The following GALNT2 variants were observed in gnomAD, a reference collection of about 807,000 sequenced individuals.
The protein encoded by GALNT2 is polypeptide N-acetylgalactosaminyltransferase 2.
Under a neutral mutation model 81.4 loss-of-function variants are expected in GALNT2, and 31 were observed. The observed-to-expected ratio is 0.38, with a 90% CI of 0.29 to 0.51. GALNT2 has a LOEUF of 0.51. GALNT2 is among the 20% of genes least tolerant of loss of function. GALNT2 has a pLI of 0.87. For synonymous variants in GALNT2, 303 were observed against 287.4 expected (o/e 1.05, Z -0.55); for missense variants, 629 against 765.7 (o/e 0.82, Z 2.11).
At chr1:230,269,123 T>C (rs1666106603) in intron 14 of GALNT2, among the ~76,000 whole-genome samples, 1 of 151,880 alleles carries the variant, frequency 6.6e-6, no homozygotes, top group Non-Finnish European at 1.5e-5. Context: ...CATCCTGGGA[T>C]TGCTCAGAGA....
In GALNT2 at chr1:230,070,696, T is replaced by C. The variant is rs1453767253; in HGVS notation, c.126+3290T>C. Among the ~76,000 whole-genome samples the C allele has an allele frequency of 6.6e-6, 1 of 152,106 alleles. No homozygotes were observed. The highest frequency in any genetic ancestry group is 1.5e-5 in the Non-Finnish European group (1 of 67,996). ...TTTGGGTGGGATCTTCTAGGAATCA[T>C]GCGGGGAGGCGGGCAGGTTATTTCT... On this transcript the variant is annotated intron_variant, in intron 1 of 15. Transcript: ENST00000366672. This position sits in a 1 kb window ranked among gnomAD's most constrained non-coding sequence, Gnocchi z 4.7.
chr1:230,172,621 C>T (rs1327671640), intron 1 of GALNT2, among the ~76,000 whole-genome samples: 1 of 152,248 alleles, frequency 6.6e-6, no homozygotes, highest in Non-Finnish European at 1.5e-5. Context: ...AAGGGGCTTG[C>T]TCATCTTCCA....
At chr1:230,148,114 C>T (rs1343970531) in intron 1 of GALNT2, among the ~76,000 whole-genome samples, 1 of 152,186 alleles carries the variant, frequency 6.6e-6, no homozygotes, top group Non-Finnish European at 1.5e-5. Flanking sequence ...CTTGCCCACA[C>T]TCTTCCCCAT....
At chr1:230,173,678 A>C (rs1662867838) in intron 1 of GALNT2, among the ~76,000 whole-genome samples, 1 of 152,226 alleles carries the variant, frequency 6.6e-6, no homozygotes, top group African/African-American at 2.4e-5. Flanking sequence ...AAAGGGAGAA[A>C]ACACACAGAT....
intron 11 of GALNT2, among the ~76,000 whole-genome samples, chr1:230,261,079 CTCTTT>C (rs1213866213): frequency 7.8e-6 from 1 of 128,282 alleles, no homozygotes; most frequent in Admixed American, 8.7e-5. Flanking sequence ...CATAAAGTTT[CTCTTT>C]TTTTTTTTTT....
intron 2 of GALNT2, among the ~76,000 whole-genome samples, chr1:230,190,149 T>C (rs1270843241): frequency 6.6e-6 from 1 of 152,222 alleles, no homozygotes; most frequent in Non-Finnish European, 1.5e-5. Flanking sequence ...AAGCATCTTT[T>C]AAAAAGCAAG....
chr1:230,101,895 G>A (rs182365325), intron 1 of GALNT2, among the ~76,000 whole-genome samples: 51 of 152,326 alleles, frequency 3.3e-4, no homozygotes, highest in Non-Finnish European at 5.4e-4. Flanking sequence ...TTTAGTGGGG[G>A]CAGTTTCCTT....
chr1:230,119,140 T>C (rs540699893), intron 1 of GALNT2, among the ~76,000 whole-genome samples: 67 of 152,384 alleles, frequency 4.4e-4, no homozygotes, highest in African/African-American at 1.6e-3. Context: ...TTTATAATTT[T>C]TCTTAATTCA....
chr1:230,131,609 G>T (rs549996203), intron 1 of GALNT2, among the ~76,000 whole-genome samples: 11 of 152,090 alleles, frequency 7.2e-5, no homozygotes, highest in Non-Finnish European at 4.4e-5. Context: ...TTTAAACCTC[G>T]CACTGTCTCG....
At chr1:230,256,356 A>C (rs1435608045) in intron 11 of GALNT2, among the ~76,000 whole-genome samples, 37 of 152,028 alleles carry the variant, frequency 2.4e-4, no homozygotes, top group Non-Finnish European at 2.9e-5. Flanking sequence ...TGAGGCAGGA[A>C]AATCGCTTGA....
intron 1 of GALNT2, among the ~76,000 whole-genome samples, chr1:230,101,195 G>A (rs1346619659): frequency 6.6e-6 from 1 of 152,210 alleles, no homozygotes; most frequent in Non-Finnish European, 1.5e-5. Context: ...AGTGATGCAT[G>A]ACTGGATATA....
At chr1:230,223,595 C>T (rs764968330) in intron 3 of GALNT2, among the ~76,000 whole-genome samples, 3 of 152,092 alleles carry the variant, frequency 2.0e-5, no homozygotes, top group East Asian at 1.9e-4. Flanking sequence ...CTCAGCCTCC[C>T]GAGTAGCTGG....
At chr1:230,150,229 C>T (rs1022470084) in intron 1 of GALNT2, among the ~76,000 whole-genome samples, 4 of 152,190 alleles carry the variant, frequency 2.6e-5, no homozygotes, top group African/African-American at 4.8e-5. Context: ...TGCCTACCTC[C>T]GTGTGCTGCC....
chr1:230,188,924 G>A (rs1354997451), intron 2 of GALNT2, among the ~76,000 whole-genome samples: 8 of 152,106 alleles, frequency 5.3e-5, no homozygotes, highest in Non-Finnish European at 8.8e-5. Context: ...CCCTGTAATT[G>A]TCTCTGAATC....
At chr1:230,095,383 T>C (rs903330083) in intron 1 of GALNT2, among the ~76,000 whole-genome samples, 1 of 152,170 alleles carries the variant, frequency 6.6e-6, no homozygotes, top group Non-Finnish European at 1.5e-5. Context: ...CAGATGAAGC[T>C]GTCAGGGAGA....
chr1:230,105,990 C>T lies in GALNT2; in HGVS notation c.126+38584C>T, dbSNP rs80156148. ...GGCCTCCATAGTGATTGTAGTAATT[C>T]GGTAAAGATGATTCATTTCTTTAGT... On this transcript the variant is annotated intron_variant, in intron 1 of 15. Transcript: ENST00000366672. 1.9e-3 allele frequency among the ~76,000 whole-genome samples: 292 copies of T among 152,306 alleles called. 1 individual carries two copies. The Middle Eastern group carries it at 0.024, about 12-fold the overall frequency.
chr1:230,212,358 T>C (rs1184809566), intron 3 of GALNT2, among the ~76,000 whole-genome samples: 2 of 152,128 alleles, frequency 1.3e-5, no homozygotes, highest in African/African-American at 4.8e-5. Context: ...CCAAACAACC[T>C]CCTAAGGGAA....
intron 1 of GALNT2, among the ~76,000 whole-genome samples, chr1:230,101,442 C>A (rs1660402216): frequency 6.6e-6 from 1 of 152,252 alleles, no homozygotes; most frequent in Admixed American, 6.5e-5. Flanking sequence ...TCTTCACACT[C>A]AGTTTTCCCA....
Position 230,243,715 on chromosome 1 carries a change from C to A in GALNT2, c.729+288C>A, listed in dbSNP as rs1665276958. On this transcript the variant is annotated intron_variant, in intron 7 of 15. Transcript: ENST00000366672. This position sits in a 1 kb window ranked among gnomAD's most constrained non-coding sequence, Gnocchi z 4.2. ...TGAGAGCCTGATTAGTTGAAGGCAGCCCTTTTCATGGGAGCAGTTTCCTTC... is the reference window on the plus strand; with the variant it reads ...TGAGAGCCTGATTAGTTGAAGGCAGACCTTTTCATGGGAGCAGTTTCCTTC... Among the ~76,000 whole-genome samples the A allele has an allele frequency of 1.3e-5, 2 of 152,196 alleles. No homozygotes were observed. Among genetic ancestry groups the A allele is most frequent in the Non-Finnish European group, 2.9e-5 (2 of 68,042 alleles).
Sources: gnomAD v4.1 joint callset for allele counts (sites outside exome capture counted in the v4.1 genomes callset) on GRCh38, gnomAD v4.1.1 for gene constraint, Gnocchi (gnomAD v3.1) non-coding constraint, MANE v1.5 for transcripts, NCBI Gene and HGNC (gene_info 2026-07-23, HGNC 2026-07-21) for gene names.